Variants in INVS observed in about 807,000 individuals in gnomAD.
INVS encodes inversin, also known as inversion of embryo turning homolog.
A neutral mutation model predicts 108.8 loss-of-function variants in INVS; 86 were observed. That is an observed-to-expected ratio of 0.79 (90% confidence interval 0.66 to 0.95). The LOEUF is 0.95. Among genes scored for constraint, INVS ranks in the 40% least tolerant of loss-of-function variants. INVS has a pLI of 0.00. For missense variants in INVS, 1,169 were observed against 1,297.4 expected (o/e 0.90, Z 1.52); for synonymous variants, 455 against 473.5 (o/e 0.96, Z 0.51).
chr9:100,246,206 AGGAT>A (rs1476429955), intron 7 of INVS, among the ~76,000 whole-genome samples: 9 of 152,018 alleles, frequency 5.9e-5, no homozygotes, highest in Admixed American at 4.6e-4. Flanking sequence ...AGAAAGAAAA[AGGAT>A]GGAGAAGAGA....
chr9:100,158,775 A>G (rs949197223), intron 3 of INVS, among the ~76,000 whole-genome samples: 2 of 152,184 alleles, frequency 1.3e-5, no homozygotes, highest in African/African-American at 4.8e-5. Context: ...TTTGATCCCC[A>G]GTGGTTGGAA....
chr9:100,122,353 A>T (rs572226105), intron 2 of INVS, among the ~76,000 whole-genome samples: 70 of 152,008 alleles, frequency 4.6e-4, no homozygotes, highest in African/African-American at 1.6e-3. Flanking sequence ...AAGCTCTGTG[A>T]TTTAGTATGT....
At chr9:100,165,822 T>C (rs1829345987) in intron 3 of INVS, among the ~76,000 whole-genome samples, 1 of 152,174 alleles carries the variant, frequency 6.6e-6, no homozygotes, top group Admixed American at 6.5e-5. Flanking sequence ...TGTCCAAATA[T>C]TCCAGATTCA....
At chr9:100,249,651 T>A (rs1053431804) in intron 8 of INVS, among the ~76,000 whole-genome samples, 5 of 151,972 alleles carry the variant, frequency 3.3e-5, no homozygotes, top group Middle Eastern at 3.4e-3. Flanking sequence ...CCCACCACTA[T>A]GCTGGCTAAG....
intron 10 of INVS, 83 bp from the exon 11 acceptor site, chr9:100,264,737 TTA>T: frequency 2.2e-6 from 2 of 914,150 alleles, no homozygotes. Context: ...AAATGATTGC[TTA>T]TATTAATTTT....
intron 14 of INVS, 32 bp downstream of exon 14, chr9:100,293,075 T>A (rs751334788): frequency 6.4e-7 from 1 of 1,567,010 alleles, no homozygotes; most frequent in Non-Finnish European, 8.8e-7. Flanking sequence ...GCATCTGTGG[T>A]TCTTTGTTAC....
intron 3 of INVS, among the ~76,000 whole-genome samples, chr9:100,149,502 T>C (rs1465940144): frequency 6.6e-6 from 1 of 152,226 alleles, no homozygotes; most frequent in Non-Finnish European, 1.5e-5. Context: ...TTCTGGAGTT[T>C]TTAAACCAGC....
chr9:100,180,353 TA>T (rs1564146914), intron 3 of INVS, among the ~76,000 whole-genome samples: 1 of 142,066 alleles, frequency 7.0e-6, no homozygotes. Flanking sequence ...GGTTTTTTTT[TA>T]AAAGATTAAC....
At chr9:100,152,118 C>T (rs139758547) in intron 3 of INVS, among the ~76,000 whole-genome samples, 116 of 152,284 alleles carry the variant, frequency 7.6e-4, no homozygotes, top group African/African-American at 2.5e-3. Flanking sequence ...ACCTTGTGTA[C>T]TCAACCACTG....
intron 3 of INVS, among the ~76,000 whole-genome samples, chr9:100,187,119 T>C (rs1235497131): frequency 6.6e-6 from 1 of 152,186 alleles, no homozygotes; most frequent in Non-Finnish European, 1.5e-5. Flanking sequence ...TAGGGTGTTT[T>C]TTCCCCAATT....
At position 100,105,850 on chromosome 9, in the gene INVS, CT is replaced by C. The variant is rs543070811; in HGVS notation, c.106+1248del. ...AAAATCCTTCTCTTGGAAAAATTCC[CT>C]TTTTTTTTTTTTTTTTTTTTTTTTG... On this transcript the variant is annotated intron_variant, in intron 2 of 16. Transcript: ENST00000262457. Among the ~76,000 whole-genome samples the C allele has an allele frequency of 4.4e-3, 283 of 63,830 alleles. 1 individual carries two copies. Among genetic ancestry groups the C allele is most frequent in the African/African-American group, 0.013 (228 of 17,374 alleles). 41.9% of individuals were successfully genotyped at this position (63,830 alleles called of 152,430 possible).
intron 4 of INVS, 95 bp from the exon 5 acceptor site, chr9:100,229,565 G>A: frequency 9.1e-7 from 1 of 1,095,008 alleles, no homozygotes; most frequent in Non-Finnish European, 1.4e-6. Context: ...GGCAACTACT[G>A]TATAAAACTC....
In INVS at chr9:100,151,858, C is replaced by T. The variant is rs139478898; in HGVS notation, c.273+25309C>T. Reference sequence around the variant, plus strand: ...ACCTACAACAGAATACAATGCCAGTCTGATGAGCTCAGAGTGTTACATGAC... The same window carrying T: ...ACCTACAACAGAATACAATGCCAGTTTGATGAGCTCAGAGTGTTACATGAC... On this transcript the variant is annotated intron_variant, in intron 3 of 16. Coordinates refer to ENST00000262457, the MANE Select transcript of INVS (RefSeq NM_014425.5). 3.3e-4 allele frequency among the ~76,000 whole-genome samples: 51 copies of T among 152,320 alleles called. No individual in the cohort carries two copies. In the East Asian group the frequency reaches 9.1e-3, roughly 27 times the overall value.
Position 100,297,931 on chromosome 9 carries a change from T to G in INVS, c.3017-5T>G, listed in dbSNP as rs201018893. ...AGAAAAGTAACAGTTGTTGGTTCAT[T>G]TCAGGTTGTTCTCACGAAGGGAAAA... On this transcript the variant is annotated splice_region_variant and splice_polypyrimidine_tract_variant and intron_variant, in intron 15 of 16. Transcript: ENST00000262457. The G allele has an allele frequency of 2.5e-3, 4,045 of 1,614,094 alleles. 23 individuals are homozygous for G. Among genetic ancestry groups the G allele is most frequent in the South Asian group, 0.013 (1,147 of 91,084 alleles).
chr9:100,191,482 C>T, intron 3 of INVS, among the ~76,000 whole-genome samples: 1 of 152,108 alleles, frequency 6.6e-6, no homozygotes, highest in East Asian at 1.9e-4. Context: ...TAAAACTTTC[C>T]TGTGCATTTT....
intron 10 of INVS, among the ~76,000 whole-genome samples, chr9:100,261,359 G>T (rs1258642773): frequency 6.7e-6 from 1 of 149,706 alleles, no homozygotes; most frequent in African/African-American, 2.5e-5. Context: ...TCCACCTCCC[G>T]GGTTCGCGCC....
At chr9:100,188,109 C>A (rs1051675515) in intron 3 of INVS, among the ~76,000 whole-genome samples, 12 of 152,110 alleles carry the variant, frequency 7.9e-5, no homozygotes, top group Non-Finnish European at 1.3e-4. Flanking sequence ...GGTGTACAAT[C>A]ATATCATTGG....
intron 3 of INVS, among the ~76,000 whole-genome samples, chr9:100,200,638 C>T (rs1356110371): frequency 6.6e-6 from 1 of 152,174 alleles, no homozygotes; most frequent in Non-Finnish European, 1.5e-5. Context: ...ACTCAAACTC[C>T]AAATTCTACC....
intron 3 of INVS, among the ~76,000 whole-genome samples, chr9:100,165,017 A>G (rs1428546308): frequency 6.6e-6 from 1 of 151,194 alleles, no homozygotes; most frequent in African/African-American, 2.4e-5. Context: ...TGATAAACCT[A>G]TTCCTCAGTC....
Sources: gnomAD v4.1 joint callset for allele counts (sites outside exome capture counted in the v4.1 genomes callset) on GRCh38, gnomAD v4.1.1 for gene constraint, MANE v1.5 for transcripts, NCBI Gene and HGNC (gene_info 2026-07-23, HGNC 2026-07-21) for gene names.